Variants in NTM observed in about 807,000 individuals in gnomAD.
NTM encodes the protein neurotrimin, also known as IgLON family member 2.
NTM carries 13 observed loss-of-function variants against 42.1 expected under a neutral mutation model. The ratio of observed to expected loss-of-function variants is 0.31; its 90% CI spans 0.20 to 0.49. The LOEUF (loss-of-function observed/expected upper bound fraction) is 0.49. NTM is among the 20% of genes least tolerant of loss of function. The probability of loss-of-function intolerance (pLI) is 0.99; values close to 1 mark genes in which losing one functional copy is unlikely to be tolerated. For synonymous variants in NTM, 187 were observed against 179.2 expected, an observed-to-expected ratio of 1.04 and a Z score of -0.35; for missense variants, 373 against 452.8, an observed-to-expected ratio of 0.82 and a Z score of 1.60.
chr11:132,198,679 C>A (rs559479137), intron 3 of NTM, among the ~76,000 whole-genome samples: 1 of 152,304 alleles, frequency 6.6e-6, no homozygotes, highest in South Asian at 2.1e-4. Context: ...TGGTCATATT[C>A]TGCAGATTTG....
chr11:131,885,399 G>A (rs926622318), intron 1 of NTM, among the ~76,000 whole-genome samples: 3 of 152,168 alleles, frequency 2.0e-5, no homozygotes, highest in African/African-American at 4.8e-5. Flanking sequence ...TGGGGGCCCC[G>A]TGGAGAGCCA....
chr11:131,553,300 G>A (rs893303932), intron 1 of NTM, among the ~76,000 whole-genome samples: 5 of 152,116 alleles, frequency 3.3e-5, no homozygotes, highest in African/African-American at 1.2e-4. Context: ...TTTTGATGTA[G>A]TGTATATTCT....
At chr11:131,887,634 T>C (rs1243040355) in intron 1 of NTM, among the ~76,000 whole-genome samples, 2 of 152,216 alleles carry the variant, frequency 1.3e-5, no homozygotes, top group Admixed American at 6.5e-5. Flanking sequence ...CTTTGATCCT[T>C]AGATGGACTC....
chr11:132,201,864 C>G (rs895250538), intron 3 of NTM, among the ~76,000 whole-genome samples: 2 of 152,182 alleles, frequency 1.3e-5, no homozygotes, highest in African/African-American at 2.4e-5. Context: ...CAGCCACTTT[C>G]TAGCTCAGTG....
intron 3 of NTM, among the ~76,000 whole-genome samples, chr11:132,153,676 T>A (rs997637499): frequency 1.3e-5 from 2 of 152,146 alleles, no homozygotes; most frequent in Non-Finnish European, 2.9e-5. Context: ...GAGTAGTTGA[T>A]GAGAAAGGTT....
intron 1 of NTM, among the ~76,000 whole-genome samples, chr11:131,781,422 GA>G (rs1373800617): frequency 6.7e-6 from 1 of 150,018 alleles, no homozygotes; most frequent in Non-Finnish European, 1.5e-5. Context: ...TTTACAGATA[GA>G]AAACATTCAG....
At chr11:131,976,835 C>T (rs1434419142) in intron 2 of NTM, among the ~76,000 whole-genome samples, 1 of 152,202 alleles carries the variant, frequency 6.6e-6, no homozygotes, top group Non-Finnish European at 1.5e-5. Flanking sequence ...ACACAGCCCT[C>T]ATTTCCATAA....
At chr11:131,576,159 G>T (rs2057911519) in intron 1 of NTM, among the ~76,000 whole-genome samples, 1 of 152,120 alleles carries the variant, frequency 6.6e-6, no homozygotes, top group Non-Finnish European at 1.5e-5. Context: ...GAAGGACCCA[G>T]CCCCCAGACC....
intron 1 of NTM, among the ~76,000 whole-genome samples, chr11:131,450,031 G>A (rs376088886): frequency 6.6e-6 from 1 of 152,200 alleles, no homozygotes; most frequent in East Asian, 1.9e-4. Flanking sequence ...CCATGAAACT[G>A]CTGCTGTAAG....
intron 1 of NTM, among the ~76,000 whole-genome samples, chr11:131,664,705 G>C (rs1339364530): frequency 1.3e-5 from 2 of 149,046 alleles, no homozygotes; most frequent in South Asian, 4.3e-4. Context: ...AAAGTCAAGA[G>C]ATTATAGAAT....
intron 4 of NTM, among the ~76,000 whole-genome samples, chr11:132,283,118 C>G (rs549465157): frequency 6.6e-6 from 1 of 151,796 alleles, no homozygotes; most frequent in African/African-American, 2.4e-5. Flanking sequence ...TCCTGAGTAG[C>G]TGGGACTACA....
rs1015299878 is a variant in NTM, at chr11:132,074,226, A to G, written c.168-72056A>G. Among the ~76,000 whole-genome samples the G allele has an allele frequency of 2.0e-5, 3 of 152,216 alleles. No homozygotes were observed. The East Asian group carries it at 5.8e-4, about 29-fold the overall frequency. On this transcript the variant is annotated intron_variant, in intron 2 of 8. Transcript: ENST00000683400. ...TGGCAAGGAAACTCTTGACTGACTT[A>G]CAGGCCATTGGACACTGGGAACACC...
chr11:131,475,870 A>G (rs145094720), intron 1 of NTM, among the ~76,000 whole-genome samples: 2 of 152,274 alleles, frequency 1.3e-5, no homozygotes, highest in East Asian at 3.9e-4. Flanking sequence ...AAAGATTGGG[A>G]AGAGAAAAAA....
intron 1 of NTM, among the ~76,000 whole-genome samples, chr11:131,429,226 C>A (rs1040096087): frequency 6.6e-6 from 1 of 152,122 alleles, no homozygotes; most frequent in Non-Finnish European, 1.5e-5. Flanking sequence ...ATTCCCTAAG[C>A]CTCTCAGGAG....
chr11:132,102,715 G>T (rs1271112793), intron 2 of NTM, among the ~76,000 whole-genome samples: 1 of 152,134 alleles, frequency 6.6e-6, no homozygotes, highest in Non-Finnish European at 1.5e-5. Context: ...TTGTAGTACA[G>T]ATCACCCATT....
At chr11:132,178,946 T>C (rs1269566107) in intron 3 of NTM, among the ~76,000 whole-genome samples, 1 of 152,246 alleles carries the variant, frequency 6.6e-6, no homozygotes, top group Non-Finnish European at 1.5e-5. Context: ...GTTTCAGTTA[T>C]TCAGTTCAAA....
intron 1 of NTM, among the ~76,000 whole-genome samples, chr11:131,644,501 T>C (rs2065529305): frequency 6.6e-6 from 1 of 152,200 alleles, no homozygotes; most frequent in African/African-American, 2.4e-5. Flanking sequence ...CTCCTACTAC[T>C]TAGCCTGCTC....
intron 1 of NTM, among the ~76,000 whole-genome samples, chr11:131,593,769 G>A (rs1288301291): frequency 2.0e-5 from 3 of 152,202 alleles, no homozygotes; most frequent in Non-Finnish European, 2.9e-5. Flanking sequence ...GTGGCCTCAC[G>A]AGGATCATGT....
chr11:131,546,113 A>T (rs1157881857), intron 1 of NTM, among the ~76,000 whole-genome samples: 3 of 152,180 alleles, frequency 2.0e-5, no homozygotes, highest in Non-Finnish European at 4.4e-5. Context: ...ACCATGTTCC[A>T]GTGTCAGGTC....
Sources: gnomAD v4.1 joint callset for allele counts (sites outside exome capture counted in the v4.1 genomes callset) on GRCh38, gnomAD v4.1.1 for gene constraint, MANE v1.5 for transcripts, NCBI Gene and HGNC (gene_info 2026-07-23, HGNC 2026-07-21) for gene names.